The following ARMH4 variants were observed in gnomAD, a reference collection of about 807,000 sequenced individuals.
ARMH4 encodes the protein armadillo-like helical domain-containing protein 4.
ARMH4 carries 49 observed loss-of-function variants against 61.9 expected under a neutral mutation model. The ratio of observed to expected loss-of-function variants is 0.79; its 90% CI spans 0.63 to 1.00. The LOEUF is 1.00. Ranked by LOEUF, ARMH4 falls within the 50% of genes least tolerant of loss-of-function variation. ARMH4 has a pLI of 0.00. For synonymous variants in ARMH4, 368 were observed against 341.5 expected (o/e 1.08, Z -0.85); for missense variants, 934 against 930.0 (o/e 1.00, Z -0.06).
chr14:58,011,633 A>G (rs1161312578), intron 6 of ARMH4, among the ~76,000 whole-genome samples: 2 of 152,170 alleles, frequency 1.3e-5, no homozygotes, highest in Non-Finnish European at 1.5e-5. Context: ...GTCAATCACT[A>G]TGTAGATGGC....
chr14:58,053,111 T>TGTCACA (rs761024757), intron 5 of ARMH4, among the ~76,000 whole-genome samples: 8 of 152,212 alleles, frequency 5.3e-5, no homozygotes, highest in Non-Finnish European at 4.4e-5. Context: ...TCTTTCCTGT[T>TGTCACA]GCCCAGTCTA....
intron 5 of ARMH4, among the ~76,000 whole-genome samples, chr14:58,062,349 A>C (rs759638490): frequency 6.6e-6 from 1 of 152,108 alleles, no homozygotes; most frequent in Non-Finnish European, 1.5e-5. Flanking sequence ...CTGTCCCCCA[A>C]ATAAAGAAGA....
intron 4 of ARMH4, among the ~76,000 whole-genome samples, chr14:58,109,743 T>G (rs1886286587): frequency 6.6e-6 from 1 of 152,214 alleles, no homozygotes; most frequent in Non-Finnish European, 1.5e-5. Context: ...TTTCTTTGGG[T>G]TTCTTCTATT....
intron 5 of ARMH4, among the ~76,000 whole-genome samples, chr14:58,028,069 A>C (rs1594701710): frequency 6.6e-6 from 1 of 152,130 alleles, no homozygotes; most frequent in South Asian, 2.1e-4. Context: ...GCAACTGTTC[A>C]ACTATATATG....
At chr14:58,117,499 G>A (rs959352976) in intron 4 of ARMH4, among the ~76,000 whole-genome samples, 1 of 152,172 alleles carries the variant, frequency 6.6e-6, no homozygotes, top group African/African-American at 2.4e-5. Context: ...ATAATAATTT[G>A]TGGAAATATG....
intron 5 of ARMH4, among the ~76,000 whole-genome samples, chr14:58,095,724 C>G (rs1434385502): frequency 6.6e-6 from 1 of 152,152 alleles, no homozygotes; most frequent in Non-Finnish European, 1.5e-5. Context: ...ACCTGTATGC[C>G]AATCTATAGA....
Position 58,103,358 on chromosome 14 carries a change from T to C in ARMH4, c.1832-6377A>G, listed in dbSNP as rs139245604. Among the ~76,000 whole-genome samples the C allele has an allele frequency of 2.6e-5, 4 of 152,204 alleles. No individual in the cohort carries two copies. The East Asian group carries it at 7.7e-4, about 29-fold the overall frequency. ...GGAAATTAATAGATTGGTGCCCTTA[T>C]AAAAATGGCTATGGGAGTGGGCTCA... On this transcript the variant is annotated intron_variant, in intron 4 of 7. Coordinates refer to ENST00000267485, the MANE Select transcript of ARMH4 (RefSeq NM_001001872.4).
intron 5 of ARMH4, among the ~76,000 whole-genome samples, chr14:58,029,336 C>T (rs1341968711): frequency 5.3e-5 from 8 of 152,032 alleles, no homozygotes; most frequent in Admixed American, 2.0e-4. Flanking sequence ...CAGGTTCAAG[C>T]GATTCTCCTG....
At chr14:58,046,755 C>T (rs373362918) in intron 5 of ARMH4, among the ~76,000 whole-genome samples, 39 of 152,222 alleles carry the variant, frequency 2.6e-4, no homozygotes, top group African/African-American at 9.1e-4. Context: ...CTCATCTTGC[C>T]CAGGTTTGAG....
rs138235536 is a variant in ARMH4 at position 58,005,652 on chromosome 14, CTCTCT to C, written c.2122-475_2122-471del. 4.4e-3 allele frequency among the ~76,000 whole-genome samples: 673 copies of C among 152,210 alleles called. 4 individuals carry two copies. The highest frequency in any genetic ancestry group is 0.015 in the African/African-American group (635 of 41,510). On this transcript the variant is annotated intron_variant, in intron 6 of 7. Transcript: ENST00000267485. ...AAGGAGGGCCTTGACAGTGGTGGTC[CTCTCT>C]TCTCCCTCTCTGTCTGTCTTGGCTG...
intron 4 of ARMH4, among the ~76,000 whole-genome samples, chr14:58,098,289 T>C (rs1021259301): frequency 6.6e-6 from 1 of 152,184 alleles, no homozygotes; most frequent in Non-Finnish European, 1.5e-5. Context: ...TTTAACTTTG[T>C]AGGATTAATG....
intron 5 of ARMH4, among the ~76,000 whole-genome samples, chr14:58,067,430 G>A (rs1222255715): frequency 6.6e-6 from 1 of 152,182 alleles, no homozygotes; most frequent in Non-Finnish European, 1.5e-5. Flanking sequence ...AAAACTACAG[G>A]ATGAAGCTGG....
Position 58,032,958 on chromosome 14 carries a change from G to A in ARMH4, c.2090-20808C>T, listed in dbSNP as rs1230059788. Among the ~76,000 whole-genome samples, 14 of 148,218 alleles carry A rather than the reference G, an allele frequency of 9.4e-5. 1 individual carries two copies. Among genetic ancestry groups the A allele is most frequent in the African/African-American group, 7.5e-5 (3 of 40,152 alleles). On this transcript the variant is annotated intron_variant, in intron 5 of 7. Coordinates refer to ENST00000267485, the MANE Select transcript of ARMH4 (RefSeq NM_001001872.4). ...GCAGTCTAAGATCAAACTGCAAGGCGGCAACGAGGCTGGGGGAGGGGCGCC... is the reference window on the plus strand; with the variant it reads ...GCAGTCTAAGATCAAACTGCAAGGCAGCAACGAGGCTGGGGGAGGGGCGCC...
chr14:58,066,503 C>T (rs1884706940), intron 5 of ARMH4, among the ~76,000 whole-genome samples: 1 of 152,150 alleles, frequency 6.6e-6, no homozygotes, highest in Non-Finnish European at 1.5e-5. Flanking sequence ...GATTGCAAAA[C>T]ACTGTGAGTT....
In ARMH4 at chr14:58,005,146, C is replaced by T. The variant is rs1882117020; in HGVS notation, c.2158G>A (p.Val720Ile). The part of the protein sequence containing the change: ...YMSGMLVPVG[V>I]GIAGALFILG... ...ATGAACAAGGCTCCAGCTATCCCAA[C>T]CCCTACAGGCACCAGCATCCCAGAC... Residue 720 changes from valine (V) to isoleucine (I), a missense_variant, in exon 7 of 8, where the codon GTT becomes ATT. Val to Ile is a conservative substitution (Grantham distance 29). Transcript: ENST00000267485. 3.1e-6 allele frequency: 5 copies of T among 1,614,028 alleles called. No individual in the cohort carries two copies. Among genetic ancestry groups the T allele is most frequent in the Non-Finnish European group, 4.2e-6 (5 of 1,179,934 alleles).
At chr14:58,032,264 A>G (rs1036688331) in intron 5 of ARMH4, among the ~76,000 whole-genome samples, 1 of 152,172 alleles carries the variant, frequency 6.6e-6, no homozygotes, top group African/African-American at 2.4e-5. Context: ...GGTTAAATCA[A>G]TGAATCATCT....
intron 5 of ARMH4, among the ~76,000 whole-genome samples, chr14:58,029,591 G>A (rs146788035): frequency 2.0e-5 from 3 of 151,956 alleles, no homozygotes; most frequent in African/African-American, 7.3e-5. Flanking sequence ...GGCCAATAAA[G>A]GCATGAAAAA....
chr14:58,067,577 A>G (rs1346893454), intron 5 of ARMH4, among the ~76,000 whole-genome samples: 1 of 152,214 alleles, frequency 6.6e-6, no homozygotes, highest in Non-Finnish European at 1.5e-5. Flanking sequence ...GTGGCTTCCA[A>G]GTGTTTGTGC....
chr14:58,106,519 T>C (rs1886170338), intron 4 of ARMH4, among the ~76,000 whole-genome samples: 2 of 152,230 alleles, frequency 1.3e-5, no homozygotes, highest in Non-Finnish European at 2.9e-5. Flanking sequence ...TGATATTAAA[T>C]AGTGTGTCCA....
Sources: gnomAD v4.1 joint callset for allele counts (sites outside exome capture counted in the v4.1 genomes callset) on GRCh38, gnomAD v4.1.1 for gene constraint, MANE v1.5 for transcripts, NCBI Gene and HGNC (gene_info 2026-07-23, HGNC 2026-07-21) for gene names.